The following RBFOX1 variants were observed in gnomAD, a reference collection of about 807,000 sequenced individuals.
RBFOX1 encodes RNA binding protein fox-1 homolog 1.
A neutral mutation model predicts 57.7 loss-of-function variants in RBFOX1; 8 were observed. The observed-to-expected ratio is 0.14, with a 90% CI of 0.08 to 0.25. The LOEUF (loss-of-function observed/expected upper bound fraction) is 0.25, where lower values mean the gene tolerates loss of function less well. Ranked by LOEUF, RBFOX1 falls within the 10% of genes least tolerant of loss-of-function variation. RBFOX1 has a pLI of 1.00. For missense variants in RBFOX1, 611 were observed against 548.5 expected, an observed-to-expected ratio of 1.11 and a Z score of -1.14; for synonymous variants, 326 against 222.4, an observed-to-expected ratio of 1.47 and a Z score of -4.15.
At chr16:5,512,610 T>G (rs35124728) in intron 2 of RBFOX1, among the ~76,000 whole-genome samples, 1 of 151,968 alleles carries the variant, frequency 6.6e-6, no homozygotes, top group East Asian at 1.9e-4. Flanking sequence ...TGCTGTTGTT[T>G]TAGTAAACCA....
intron 1 of RBFOX1, among the ~76,000 whole-genome samples, chr16:5,421,209 T>C (rs1325237725): frequency 6.6e-6 from 1 of 151,800 alleles, no homozygotes; most frequent in African/African-American, 2.4e-5. Context: ...GGTTTCACCA[T>C]GTTGACCAGG....
chr16:7,214,646 C>T (rs1050933935), intron 4 of RBFOX1, among the ~76,000 whole-genome samples: 1 of 152,076 alleles, frequency 6.6e-6, no homozygotes, highest in African/African-American at 2.4e-5. Context: ...CTACTTAAAA[C>T]TCTTCTGTGG....
chr16:5,408,496 C>G (rs1220481583), intron 1 of RBFOX1, among the ~76,000 whole-genome samples: 1 of 152,146 alleles, frequency 6.6e-6, no homozygotes, highest in East Asian at 1.9e-4. Flanking sequence ...ACTGTGCCAC[C>G]CAGCCCACGT....
intron 3 of RBFOX1, among the ~76,000 whole-genome samples, chr16:5,762,163 C>G: frequency 6.6e-6 from 1 of 152,114 alleles, no homozygotes; most frequent in East Asian, 1.9e-4. Flanking sequence ...TTAATTTTCT[C>G]CATTCTTTCC....
At chr16:6,579,118 A>G (rs571620075) in intron 2 of RBFOX1, among the ~76,000 whole-genome samples, 3 of 152,228 alleles carry the variant, frequency 2.0e-5, no homozygotes, top group South Asian at 2.1e-4. Flanking sequence ...GTTTTCTTCT[A>G]TTTTGGTTCT....
intron 3 of RBFOX1, among the ~76,000 whole-genome samples, chr16:5,794,400 A>C (rs567510516): frequency 1.3e-5 from 2 of 152,174 alleles, no homozygotes; most frequent in East Asian, 3.9e-4. Context: ...TATGAGGCCA[A>C]ATTCAATTAT....
At chr16:5,434,472 C>A (rs2067854811) in intron 1 of RBFOX1, among the ~76,000 whole-genome samples, 1 of 151,820 alleles carries the variant, frequency 6.6e-6, no homozygotes, top group South Asian at 2.1e-4. Flanking sequence ...CAGGCATGCA[C>A]CACCATGCCC....
intron 4 of RBFOX1, among the ~76,000 whole-genome samples, chr16:7,370,080 G>T (rs997661959): frequency 6.6e-6 from 1 of 152,148 alleles, no homozygotes; most frequent in African/African-American, 2.4e-5. Flanking sequence ...TATGACTATG[G>T]CCAGAAAATT....
At chr16:7,256,503 T>C (rs1404257927) in intron 4 of RBFOX1, among the ~76,000 whole-genome samples, 1 of 152,202 alleles carries the variant, frequency 6.6e-6, no homozygotes, top group Non-Finnish European at 1.5e-5. Flanking sequence ...TTTCCCTTCC[T>C]AATCACCATT....
At chr16:6,777,996 A>G (rs1429822301) in intron 3 of RBFOX1, among the ~76,000 whole-genome samples, 1 of 152,172 alleles carries the variant, frequency 6.6e-6, no homozygotes, top group Non-Finnish European at 1.5e-5. Flanking sequence ...TAAAACTCAT[A>G]TAAATATACA....
At chr16:7,070,388 G>T (rs73538777) in intron 4 of RBFOX1, among the ~76,000 whole-genome samples, 8,312 of 152,152 alleles carry the variant, frequency 0.055, 746 homozygotes, top group African/African-American at 0.19. Flanking sequence ...ATGCACCCAC[G>T]CATACACAGA....
intron 1 of RBFOX1, among the ~76,000 whole-genome samples, chr16:6,095,904 G>T (rs2096240254): frequency 6.6e-6 from 1 of 152,148 alleles, no homozygotes; most frequent in South Asian, 2.1e-4. Flanking sequence ...CCTTCCCACA[G>T]GCTCCCAGTG....
At chr16:6,834,209 G>T (rs1362276547) in intron 3 of RBFOX1, among the ~76,000 whole-genome samples, 1 of 152,010 alleles carries the variant, frequency 6.6e-6, no homozygotes, top group Non-Finnish European at 1.5e-5. Context: ...AGGTAGCTGG[G>T]ATTACAGGTG....
intron 4 of RBFOX1, among the ~76,000 whole-genome samples, chr16:7,346,645 G>T (rs9938306): frequency 6.6e-6 from 1 of 151,614 alleles, no homozygotes; most frequent in Non-Finnish European, 1.5e-5. Flanking sequence ...GCATTGCTTC[G>T]TTCAAGCCTT....
intron 4 of RBFOX1, among the ~76,000 whole-genome samples, chr16:7,169,176 A>G (rs965801912): frequency 3.3e-5 from 5 of 152,254 alleles, no homozygotes; most frequent in South Asian, 2.1e-4. Flanking sequence ...GACAATATTC[A>G]TGGCCATAGT....
chr16:6,042,393 C>A (rs928468459), intron 1 of RBFOX1, among the ~76,000 whole-genome samples: 10 of 152,188 alleles, frequency 6.6e-5, no homozygotes, highest in Non-Finnish European at 7.3e-5. Context: ...GCCACCGTGC[C>A]TGGCCCTTTC....
chr16:5,934,000 T>G (rs2059120715), intron 4 of RBFOX1, among the ~76,000 whole-genome samples: 1 of 152,200 alleles, frequency 6.6e-6, no homozygotes, highest in Non-Finnish European at 1.5e-5. Flanking sequence ...TTTGTGTTCA[T>G]GAGTTCTCAT....
At chr16:7,173,329 T>G (rs1282532604) in intron 4 of RBFOX1, among the ~76,000 whole-genome samples, 1 of 152,206 alleles carries the variant, frequency 6.6e-6, no homozygotes, top group Non-Finnish European at 1.5e-5. Context: ...TGGAGCTCAG[T>G]GCCACCATCC....
chr16:6,920,516 G>T (rs1004190420), intron 3 of RBFOX1, among the ~76,000 whole-genome samples: 1 of 152,140 alleles, frequency 6.6e-6, no homozygotes, highest in Non-Finnish European at 1.5e-5. Flanking sequence ...AATTGCCAAG[G>T]GCTACCATAA....
Sources: gnomAD v4.1 joint callset for allele counts (sites outside exome capture counted in the v4.1 genomes callset) on GRCh38, gnomAD v4.1.1 for gene constraint, MANE v1.5 for transcripts, NCBI Gene and HGNC (gene_info 2026-07-23, HGNC 2026-07-21) for gene names.